ANO6: variants seen among roughly 807,000 people sequenced by gnomAD.
ANO6 encodes the protein anoctamin-6.
ANO6 carries 106 observed loss-of-function variants against 117.5 expected under a neutral mutation model. The observed-to-expected ratio is 0.90, with a 90% CI of 0.77 to 1.06. The LOEUF (loss-of-function observed/expected upper bound fraction) is 1.06, where lower values mean the gene tolerates loss of function less well. ANO6 is among the 50% of genes least tolerant of loss of function. The probability of loss-of-function intolerance (pLI) is 0.00; values close to 1 mark genes in which losing one functional copy is unlikely to be tolerated. For missense variants in ANO6, 955 were observed against 1,121.1 expected (o/e 0.85, Z 2.12); for synonymous variants, 367 against 385.1 (o/e 0.95, Z 0.55).
At chr12:45,318,344 C>T (rs1592957592) in intron 2 of ANO6, among the ~76,000 whole-genome samples, 1 of 152,316 alleles carries the variant, frequency 6.6e-6, no homozygotes, top group East Asian at 1.9e-4. Context: ...CTACATATGG[C>T]TAGCCAATTT....
In ANO6 at chr12:45,429,349, C is replaced by T. The variant is rs1174783042; in HGVS notation, c.*38C>T. On this transcript the variant is annotated 3_prime_UTR_variant, in exon 20 of 20. Coordinates refer to ENST00000320560, the MANE Select transcript of ANO6 (RefSeq NM_001025356.3). Reference sequence around the variant, plus strand: ...CTGAGAAGCACTTTAAGGAATTTAGCTTTGTCAAAATATATTAGGAATCAC... The same window carrying T: ...CTGAGAAGCACTTTAAGGAATTTAGTTTTGTCAAAATATATTAGGAATCAC... 1 of 1,601,700 alleles carries T rather than the reference C, an allele frequency of 6.2e-7. No individual in the cohort carries two copies. Among genetic ancestry groups the T allele is most frequent in the African/African-American group, 1.3e-5 (1 of 74,386 alleles).
intron 1 of ANO6, among the ~76,000 whole-genome samples, chr12:45,289,341 A>AT (rs968958232): frequency 6.6e-6 from 1 of 151,206 alleles, no homozygotes; most frequent in Non-Finnish European, 1.5e-5. Context: ...TAATTTTTGT[A>AT]TTTTTTCAGT....
At chr12:45,427,512 A>C (rs1474654290) in intron 19 of ANO6, among the ~76,000 whole-genome samples, 3 of 152,172 alleles carry the variant, frequency 2.0e-5, no homozygotes, top group African/African-American at 7.2e-5. Context: ...TCACTTAGGC[A>C]TATCCAGACT....
At chr12:45,221,442 G>T (rs1178305851) in intron 1 of ANO6, among the ~76,000 whole-genome samples, 1 of 152,190 alleles carries the variant, frequency 6.6e-6, no homozygotes, top group African/African-American at 2.4e-5. Flanking sequence ...GTTCCAAATA[G>T]TTGCCTGCTA....
intron 16 of ANO6, among the ~76,000 whole-genome samples, chr12:45,410,144 G>A (rs185478553): frequency 6.6e-6 from 1 of 152,358 alleles, no homozygotes; most frequent in African/African-American, 2.4e-5. Flanking sequence ...AGCTTGGCCT[G>A]GAGTCCGTGC....
chr12:45,276,496 T>G (rs1324718830), intron 1 of ANO6, among the ~76,000 whole-genome samples: 1 of 151,216 alleles, frequency 6.6e-6, no homozygotes, highest in Non-Finnish European at 1.5e-5. Flanking sequence ...TCTTTTTCCT[T>G]GCATGCTCTT....
At chr12:45,234,896 C>G (rs867167706) in intron 1 of ANO6, among the ~76,000 whole-genome samples, 43 of 152,244 alleles carry the variant, frequency 2.8e-4, no homozygotes, top group African/African-American at 9.9e-4. Flanking sequence ...CTCAGTTGTT[C>G]AGACTCCTTT....
chr12:45,298,493 A>C (rs1592932812), intron 1 of ANO6, among the ~76,000 whole-genome samples: 2 of 152,210 alleles, frequency 1.3e-5, no homozygotes, highest in African/African-American at 2.4e-5. Flanking sequence ...TCAAACAGTA[A>C]CTAGAGCCCC....
At chr12:45,256,067 G>A (rs1232052255) in intron 1 of ANO6, among the ~76,000 whole-genome samples, 1 of 152,004 alleles carries the variant, frequency 6.6e-6, no homozygotes. Context: ...CAGGTGATCC[G>A]CCTGTCTCGG....
intron 1 of ANO6, among the ~76,000 whole-genome samples, chr12:45,283,832 AC>A (rs916650722): frequency 8.5e-5 from 13 of 152,054 alleles, no homozygotes; most frequent in Admixed American, 7.9e-4. Context: ...CCCCACTACC[AC>A]CATCACTGTT....
chr12:45,397,046 A>G (rs1942634913), intron 12 of ANO6, among the ~76,000 whole-genome samples: 1 of 152,220 alleles, frequency 6.6e-6, no homozygotes, highest in Admixed American at 6.5e-5. Context: ...CTACCATCAG[A>G]GTGAATAGGC....
In ANO6 at chr12:45,388,316, G is replaced by C; in HGVS notation, c.1308+13G>C. 6.2e-7 allele frequency: 1 copy of C among 1,613,602 alleles called. No individual in the cohort carries two copies. Among genetic ancestry groups the C allele is most frequent in the East Asian group, 2.2e-5 (1 of 44,850 alleles). ...TGAGATTACTCAGGTAAGCAGGGTC[G>C]TATTTAGGTGCAGTTTAATCTACTT... On this transcript the variant is annotated intron_variant, in intron 11 of 19. Coordinates refer to ENST00000320560, the MANE Select transcript of ANO6 (RefSeq NM_001025356.3).
intron 1 of ANO6, among the ~76,000 whole-genome samples, chr12:45,271,760 G>C (rs1372320843): frequency 6.6e-6 from 1 of 152,204 alleles, no homozygotes; most frequent in Non-Finnish European, 1.5e-5. Flanking sequence ...GCTCACTGCT[G>C]AGATGCTGAA....
chr12:45,380,483 G>C (rs1942140647), intron 10 of ANO6, among the ~76,000 whole-genome samples: 1 of 152,220 alleles, frequency 6.6e-6, no homozygotes, highest in Non-Finnish European at 1.5e-5. Context: ...AACAGCTGCT[G>C]TGACTGTTAC....
At chr12:45,305,417 G>C (rs1430474146) in intron 2 of ANO6, among the ~76,000 whole-genome samples, 2 of 152,122 alleles carry the variant, frequency 1.3e-5, no homozygotes, top group East Asian at 3.8e-4. Flanking sequence ...CTCCAACATT[G>C]TTATTGTCTC....
At chr12:45,346,780 T>C (rs1941144429) in intron 3 of ANO6, among the ~76,000 whole-genome samples, 2 of 152,172 alleles carry the variant, frequency 1.3e-5, no homozygotes, top group Non-Finnish European at 2.9e-5. Flanking sequence ...GCCAAGGGCC[T>C]TCCAGGGTGC....
Position 45,253,411 on chromosome 12 carries a change from A to G in ANO6, c.70+37020A>G, listed in dbSNP as rs564045122. Among the ~76,000 whole-genome samples the G allele has an allele frequency of 4.6e-5, 7 of 152,374 alleles. No homozygotes were observed. In the East Asian group the frequency reaches 1.3e-3, roughly 29 times the overall value. On this transcript the variant is annotated intron_variant, in intron 1 of 19. Coordinates refer to ENST00000320560, the MANE Select transcript of ANO6 (RefSeq NM_001025356.3). The stretch of plus-strand genomic sequence containing the variant: ...TATTCATTGTTTTAAATAGTTTACA[A>G]AAGGCATGTTGATGCCATTAATAAC...
chr12:45,286,067 G>A (rs1938904557), intron 1 of ANO6, among the ~76,000 whole-genome samples: 1 of 152,238 alleles, frequency 6.6e-6, no homozygotes, highest in Admixed American at 6.5e-5. Context: ...GCTGTGGAAG[G>A]TTGAACAAGA....
Position 45,277,299 on chromosome 12 carries a change from A to T in ANO6, c.71-24715A>T, listed in dbSNP as rs549018706. The stretch of plus-strand genomic sequence containing the variant: ...TTCCTCTGGAGACTGTACAGCAGAT[A>T]CTGATATTATTAGTTTTTCATATAG... On this transcript the variant is annotated intron_variant, in intron 1 of 19. Coordinates refer to ENST00000320560, the MANE Select transcript of ANO6 (RefSeq NM_001025356.3). Among the ~76,000 whole-genome samples, 7 of 152,320 alleles carry T rather than the reference A, an allele frequency of 4.6e-5. No homozygotes were observed. The East Asian group carries it at 1.3e-3, about 29-fold the overall frequency.
Sources: allele counts gnomAD v4.1 joint callset (sites outside exome capture counted in the v4.1 genomes callset), GRCh38; gene constraint gnomAD v4.1.1; transcripts MANE v1.5; gene names NCBI Gene and HGNC (gene_info 2026-07-23, HGNC 2026-07-21).